NVL: variants seen among roughly 807,000 people sequenced by gnomAD.
NVL encodes the protein nuclear VCP like, also known as nuclear valosin-containing protein-like.
NVL carries 84 observed loss-of-function variants against 110.2 expected under a neutral mutation model. The ratio of observed to expected loss-of-function variants is 0.76; its 90% CI spans 0.64 to 0.91. The LOEUF is 0.91. NVL is among the 40% of genes least tolerant of loss of function. The pLI is 0.00. For synonymous variants in NVL, 354 were observed against 361.1 expected (o/e 0.98, Z 0.22); for missense variants, 882 against 1,035.9 (o/e 0.85, Z 2.04).
chr1:224,253,854 T>G (rs578005485), intron 18 of NVL, among the ~76,000 whole-genome samples: 2 of 152,252 alleles, frequency 1.3e-5, no homozygotes, highest in East Asian at 3.9e-4. Context: ...CTTGCCAACA[T>G]TTGGCACAGC....
intron 19 of NVL, among the ~76,000 whole-genome samples, chr1:224,241,080 C>T (rs139078932): frequency 2.0e-5 from 3 of 152,150 alleles, no homozygotes; most frequent in South Asian, 2.1e-4. Context: ...CAAGCTACCA[C>T]GCTCAGCCAA....
At chr1:224,314,175 T>C (rs1192655602) in intron 4 of NVL, among the ~76,000 whole-genome samples, 3 of 152,098 alleles carry the variant, frequency 2.0e-5, no homozygotes, top group Non-Finnish European at 2.9e-5. Flanking sequence ...GCACTGGAAA[T>C]CTCAAAAATA....
intron 20 of NVL, among the ~76,000 whole-genome samples, chr1:224,233,806 A>G (rs1660170568): frequency 6.6e-6 from 1 of 152,168 alleles, no homozygotes; most frequent in Admixed American, 6.6e-5. Flanking sequence ...AAGAAAGGAA[A>G]TTATGGAGGA....
chr1:224,326,294 G>A (rs1671138064), intron 2 of NVL, 97 bp downstream of exon 2: 3 of 772,586 alleles, frequency 3.9e-6, no homozygotes, highest in Non-Finnish European at 6.5e-6. Flanking sequence ...AATGCCAGCA[G>A]CTACTGATAT....
chr1:224,272,810 G>A (rs1339093916), intron 17 of NVL, among the ~76,000 whole-genome samples: 8 of 151,246 alleles, frequency 5.3e-5, no homozygotes, highest in East Asian at 3.9e-4. Context: ...CGAGGCGGGC[G>A]GATCGCGAGG....
At chr1:224,268,204 AAATAATACATTTCCCCATGCAAAGG>A in intron 17 of NVL, 71 bp from the exon 18 acceptor site, 1 of 1,054,680 alleles carries the variant, frequency 9.5e-7, no homozygotes, top group Non-Finnish European at 1.4e-6. Context: ...TTCCACATAA[AAATAATACATTTCCCCATGCAAAGG>A]AGATAACAAT....
At chr1:224,324,728 T>G (rs147335779) in intron 2 of NVL, among the ~76,000 whole-genome samples, 5 of 152,190 alleles carry the variant, frequency 3.3e-5, no homozygotes, top group African/African-American at 1.2e-4. Context: ...TCTGGCCTGA[T>G]TTAGATGATA....
chr1:224,260,620 T>C (rs769805323), intron 18 of NVL, among the ~76,000 whole-genome samples: 1 of 152,104 alleles, frequency 6.6e-6, no homozygotes, highest in Admixed American at 6.6e-5. Flanking sequence ...ATCTCTCAGA[T>C]ATAAAAGTGC....
In NVL at chr1:224,303,772, T is replaced by A. The variant is rs749592623; in HGVS notation, c.911A>T (p.His304Leu). 6.2e-6 allele frequency: 10 copies of A among 1,613,542 alleles called. No homozygotes were observed. Among genetic ancestry groups the A allele is most frequent in the Middle Eastern group, 1.6e-4 (1 of 6,084 alleles). Residue 304 changes from histidine to leucine, a missense_variant, in exon 9 of 23, where the codon CAT becomes CTT. Coordinates refer to ENST00000281701, the MANE Select transcript of NVL (RefSeq NM_002533.4). ...TGTCTTCCCACAGCCTGGTGGTCCA[T>A]GAAGGAGAACTCCACGAGGGGGCAC... ...GVVPPRGVLL[H>L]GPPGCGKTLL...
In NVL at chr1:224,231,312, A is replaced by C; in HGVS notation, c.2456-16T>G. On this transcript the variant is annotated splice_polypyrimidine_tract_variant and intron_variant, in intron 21 of 22. Transcript: ENST00000281701. ...TTGAGTTCACCTATGGAGTAAATGCACAAATATACACATCTCAGTATCGTA... is the reference window on the plus strand; with the variant it reads ...TTGAGTTCACCTATGGAGTAAATGCCCAAATATACACATCTCAGTATCGTA... 6.3e-7 allele frequency: 1 copy of C among 1,584,162 alleles called. No individual in the cohort carries two copies. Among genetic ancestry groups the C allele is most frequent in the Non-Finnish European group, 8.7e-7 (1 of 1,154,640 alleles).
intron 15 of NVL, among the ~76,000 whole-genome samples, chr1:224,285,052 G>A (rs1355648041): frequency 1.3e-5 from 2 of 152,154 alleles, no homozygotes; most frequent in African/African-American, 4.8e-5. Flanking sequence ...AGAATATTAT[G>A]CAGGCATTAA....
chr1:224,283,241 A>T (rs1666545924), intron 15 of NVL, among the ~76,000 whole-genome samples: 1 of 152,252 alleles, frequency 6.6e-6, no homozygotes, highest in East Asian at 1.9e-4. Flanking sequence ...TAATCCCAGC[A>T]CTTTGGGAGG....
intron 13 of NVL, among the ~76,000 whole-genome samples, 187 bp from the exon 14 acceptor site, chr1:224,288,180 T>C (rs771989422): frequency 1.6e-4 from 24 of 152,228 alleles, no homozygotes; most frequent in Non-Finnish European, 2.9e-4. Context: ...TCATATGCTC[T>C]GGTCAAGTAA....
chr1:224,252,688 G>A (rs781581007), intron 18 of NVL, among the ~76,000 whole-genome samples: 1 of 152,122 alleles, frequency 6.6e-6, no homozygotes, highest in Admixed American at 6.6e-5. Context: ...TTGGAAATAG[G>A]AAAGAATATT....
In NVL at chr1:224,233,307, T is replaced by C; in HGVS notation, c.2367-18A>G. ...CTGCGCCCCTACAATAAAATAATAG[T>C]TATCTACTTATTCTTAGATACTGCA... On this transcript the variant is annotated intron_variant, in intron 20 of 22. Coordinates refer to ENST00000281701, the MANE Select transcript of NVL (RefSeq NM_002533.4). 2 of 1,579,000 alleles carry C rather than the reference T, an allele frequency of 1.3e-6. No individual in the cohort carries two copies. The highest frequency in any genetic ancestry group is 2.3e-5 in the South Asian group (2 of 85,346).
chr1:224,325,091 T>G (rs948773484), intron 2 of NVL, among the ~76,000 whole-genome samples: 1 of 151,614 alleles, frequency 6.6e-6, no homozygotes. Flanking sequence ...TGAAACCCCA[T>G]CTCTATTAAA....
intron 4 of NVL, among the ~76,000 whole-genome samples, chr1:224,315,188 T>A (rs902504670): frequency 3.3e-5 from 5 of 152,088 alleles, no homozygotes; most frequent in Admixed American, 1.3e-4. Context: ...CCAAAGAAGC[T>A]GGGATAGAAC....
At chr1:224,242,311 G>T (rs1164844643) in intron 19 of NVL, among the ~76,000 whole-genome samples, 1 of 152,040 alleles carries the variant, frequency 6.6e-6, no homozygotes, top group Non-Finnish European at 1.5e-5. Flanking sequence ...TTTATGTTAT[G>T]TATCTATAGT....
intron 19 of NVL, among the ~76,000 whole-genome samples, chr1:224,237,330 C>G (rs1660599803): frequency 6.6e-6 from 1 of 152,180 alleles, no homozygotes; most frequent in African/African-American, 2.4e-5. Context: ...ACAAAGCACT[C>G]TAAGCTCAGT....
Sources: gnomAD v4.1 joint callset for allele counts (sites outside exome capture counted in the v4.1 genomes callset) on GRCh38, gnomAD v4.1.1 for gene constraint, MANE v1.5 for transcripts, NCBI Gene and HGNC (gene_info 2026-07-23, HGNC 2026-07-21) for gene names.